BTG3: variants seen among roughly 807,000 people sequenced by gnomAD.
BTG3 encodes protein BTG3.
BTG3 carries 4 observed loss-of-function variants against 25.8 expected under a neutral mutation model. The ratio of observed to expected loss-of-function variants is 0.16; its 90% confidence interval spans 0.08 to 0.36. The LOEUF (loss-of-function observed/expected upper bound fraction) is 0.36, where lower values mean the gene tolerates loss of function less well. Among genes scored for constraint, BTG3 ranks in the 10% least tolerant of loss-of-function variants. The probability of loss-of-function intolerance (pLI) is 1.00; values close to 1 mark genes in which losing one functional copy is unlikely to be tolerated. For synonymous variants in BTG3, 107 were observed against 99.9 expected, an observed-to-expected ratio of 1.07 and a Z score of -0.42; for missense variants, 201 against 304.9, an observed-to-expected ratio of 0.66 and a Z score of 2.54.
intron 3 of BTG3, among the ~76,000 whole-genome samples, chr21:17,604,468 G>A (rs1405976094): frequency 6.6e-6 from 1 of 152,088 alleles, no homozygotes; most frequent in Non-Finnish European, 1.5e-5. Flanking sequence ...GAGAGAGGGA[G>A]AATAAACAGA....
At chr21:17,602,813 A>G (rs1419967958) in intron 3 of BTG3, among the ~76,000 whole-genome samples, 1 of 152,250 alleles carries the variant, frequency 6.6e-6, no homozygotes, top group African/African-American at 2.4e-5. Flanking sequence ...TTTTATGTTC[A>G]GGTACTGAGA....
intron 2 of BTG3, chr21:17,605,276 G>A (rs927301497): frequency 1.6e-5 from 4 of 249,326 alleles, no homozygotes; most frequent in Admixed American, 5.4e-5. Flanking sequence ...TACATTAAAT[G>A]AGCACGGAGT....
chr21:17,611,571 A>G (rs2061724851), intron 1 of BTG3: 1 of 152,294 alleles, frequency 6.6e-6, no homozygotes, highest in Admixed American at 6.5e-5. Context: ...AAAGAGGGAG[A>G]GTTACAGTCA....
chr21:17,607,049 AACTT>A (rs1218180715), intron 2 of BTG3, among the ~76,000 whole-genome samples: 1 of 152,218 alleles, frequency 6.6e-6, no homozygotes, highest in Admixed American at 6.5e-5. Context: ...AGTCTCTACT[AACTT>A]GGTTAATCTT....
intron 2 of BTG3, among the ~76,000 whole-genome samples, chr21:17,608,429 G>C (rs896608727): frequency 2.0e-5 from 3 of 151,692 alleles, no homozygotes; most frequent in African/African-American, 7.3e-5. Context: ...ACTAGTCGTG[G>C]ATCACAGGTG....
chr21:17,594,043 G>A lies in BTG3; in HGVS notation c.*50C>T. On this transcript the variant is annotated 3_prime_UTR_variant, in exon 5 of 5. Coordinates refer to ENST00000348354, the MANE Select transcript of BTG3 (RefSeq NM_006806.5). ...CTTTTAACTTTTAATGTGTAGTAAGGTTTATTCTACCTTTTTCTCAACATG... is the reference window on the plus strand; with the variant it reads ...CTTTTAACTTTTAATGTGTAGTAAGATTTATTCTACCTTTTTCTCAACATG... 1 of 1,587,454 alleles carries A rather than the reference G, an allele frequency of 6.3e-7. No individual in the cohort carries two copies.
chr21:17,605,090 A>G, intron 2 of BTG3, 93 bp from the exon 3 acceptor site: 3 of 1,377,296 alleles, frequency 2.2e-6, no homozygotes, highest in Non-Finnish European at 9.8e-7. Flanking sequence ...GAGTAATAAA[A>G]TAGTAATAAA....
intron 4 of BTG3, among the ~76,000 whole-genome samples, chr21:17,596,601 T>C (rs2061507047): frequency 6.6e-6 from 1 of 152,050 alleles, no homozygotes; most frequent in African/African-American, 2.4e-5. Flanking sequence ...ACTAACTGTA[T>C]GTATGTGGGT....
intron 3 of BTG3, among the ~76,000 whole-genome samples, chr21:17,601,887 C>CT (rs1193454003): frequency 6.6e-6 from 1 of 152,170 alleles, no homozygotes; most frequent in Non-Finnish European, 1.5e-5. Context: ...ACTCAGATTT[C>CT]TTTGACACCT....
intron 4 of BTG3, among the ~76,000 whole-genome samples, chr21:17,597,820 A>G (rs1601084576): frequency 6.6e-6 from 1 of 152,306 alleles, no homozygotes; most frequent in Middle Eastern, 3.4e-3. Flanking sequence ...TTATCATACT[A>G]AAAGCTCCAA....
At chr21:17,609,704 A>G (rs1466557286) in intron 1 of BTG3, among the ~76,000 whole-genome samples, 1 of 152,236 alleles carries the variant, frequency 6.6e-6, no homozygotes, top group Non-Finnish European at 1.5e-5. Flanking sequence ...CCACACCAAA[A>G]CCTTGTACAG....
At chr21:17,612,270 G>A (rs1456438175) in intron 1 of BTG3, 1 of 152,242 alleles carries the variant, frequency 6.6e-6, no homozygotes, top group Non-Finnish European at 1.5e-5. Flanking sequence ...TGTCCCCGGC[G>A]GGCGGCCCTG....
rs770789513 is a variant in BTG3, at chr21:17,594,204, C to T, written c.648G>A (p.Gln216=). 2.0e-5 allele frequency: 33 copies of T among 1,613,136 alleles called. No homozygotes were observed. Among genetic ancestry groups the T allele is most frequent in the Non-Finnish European group, 2.8e-5 (33 of 1,179,414 alleles). ...GGCGATATGGTTTATTTTTTCTTCC[C>T]TGATTTGGATAACCAAATGGAACAG... The part of the protein sequence containing the change: ...PPPVPFGYPN[Q]GRKNKPYRPI... Residue 216 remains glutamine, a synonymous_variant, in exon 5 of 5, where the codon CAG becomes CAA. Transcript: ENST00000348354.
intron 4 of BTG3, among the ~76,000 whole-genome samples, chr21:17,595,709 C>T (rs1433166760): frequency 2.0e-5 from 3 of 151,798 alleles, no homozygotes; most frequent in Non-Finnish European, 2.9e-5. Context: ...TGATACACAA[C>T]GAACAAAACA....
Position 17,612,900 on chromosome 21 carries a change from G to A in BTG3, c.-210C>T, listed in dbSNP as rs375331957. 4 of 152,128 alleles carry A rather than the reference G, an allele frequency of 2.6e-5. No individual in the cohort carries two copies. In the East Asian group the frequency reaches 7.8e-4, roughly 30 times the overall value. 9.4% of individuals were successfully genotyped at this position (152,128 alleles called of 1,614,324 possible). A position where few individuals can be genotyped will look rare whatever the true frequency, so the allele number is the denominator to read the frequency against. Reference sequence around the variant, plus strand: ...GGCGGGCGGACGAGCGCGCACACGAGTGAGCGCAGCCCCAAAGCGGCGCGC... The same window carrying A: ...GGCGGGCGGACGAGCGCGCACACGAATGAGCGCAGCCCCAAAGCGGCGCGC... On this transcript the variant is annotated 5_prime_UTR_variant, in exon 1 of 5. Coordinates refer to ENST00000348354, the MANE Select transcript of BTG3 (RefSeq NM_006806.5).
intron 4 of BTG3, among the ~76,000 whole-genome samples, chr21:17,597,462 T>A (rs2061518722): frequency 6.6e-6 from 1 of 151,944 alleles, no homozygotes; most frequent in Non-Finnish European, 1.5e-5. Flanking sequence ...GTTTACTTAT[T>A]TATATAGGGA....
intron 4 of BTG3, among the ~76,000 whole-genome samples, chr21:17,598,384 T>C (rs994062711): frequency 1.3e-5 from 2 of 152,178 alleles, no homozygotes; most frequent in Non-Finnish European, 2.9e-5. Context: ...TTTTGCCAAT[T>C]TTTCTGAAAT....
rs375976678 is a variant in BTG3 at position 17,596,049 on chromosome 21, T to C, written c.520-1717A>G. ...GAGGCCATTCACATAACTCCTTTTG[T>C]AAAGTGTTTATTCACATCTTTTGCT... On this transcript the variant is annotated intron_variant, in intron 4 of 4. Transcript: ENST00000348354. Among the ~76,000 whole-genome samples, 7 of 152,074 alleles carry C rather than the reference T, an allele frequency of 4.6e-5. No individual in the cohort carries two copies. In the East Asian group the frequency reaches 7.7e-4, roughly 17 times the overall value.
intron 3 of BTG3, among the ~76,000 whole-genome samples, chr21:17,603,843 T>C (rs1346300862): frequency 2.6e-5 from 4 of 152,234 alleles, no homozygotes; most frequent in Non-Finnish European, 2.9e-5. Context: ...GCAGTAACTT[T>C]CTACTTTGTG....
Sources: gnomAD v4.1 joint callset for allele counts (sites outside exome capture counted in the v4.1 genomes callset) on GRCh38, gnomAD v4.1.1 for gene constraint, MANE v1.5 for transcripts, NCBI Gene and HGNC (gene_info 2026-07-23, HGNC 2026-07-21) for gene names.